Variants in ADGRV1 observed in about 807,000 individuals in gnomAD.
ADGRV1 encodes G-protein coupled receptor 98.
Under a neutral mutation model 596.2 loss-of-function variants are expected in ADGRV1, and 359 were observed. That is an observed-to-expected ratio of 0.60 (90% confidence interval 0.55 to 0.66). The LOEUF is 0.66. ADGRV1 is among the 30% of genes least tolerant of loss of function. The pLI, the probability that ADGRV1 is intolerant of heterozygous loss-of-function variation, is 0.00. For missense variants in ADGRV1, 7,274 were observed against 7,575.6 expected, an observed-to-expected ratio of 0.96 and a Z score of 1.48; for synonymous variants, 2,681 against 2,679.2, an observed-to-expected ratio of 1.00 and a Z score of -0.02.
intron 81 of ADGRV1, among the ~76,000 whole-genome samples, chr5:90,855,124 A>G (rs985119279): frequency 6.6e-6 from 1 of 152,188 alleles, no homozygotes; most frequent in South Asian, 2.1e-4. Flanking sequence ...AGTGATAGTC[A>G]CTGAGGAAGG....
intron 20 of ADGRV1, among the ~76,000 whole-genome samples, chr5:90,656,138 A>G (rs1302074934): frequency 6.6e-6 from 1 of 152,230 alleles, no homozygotes; most frequent in Non-Finnish European, 1.5e-5. Context: ...TAACACTACA[A>G]GTAGAGAAAT....
chr5:90,856,983 G>A (rs1172681823), intron 82 of ADGRV1, among the ~76,000 whole-genome samples: 2 of 152,034 alleles, frequency 1.3e-5, no homozygotes, highest in African/African-American at 4.8e-5. Context: ...TCTGGAGATA[G>A]AATCAAGTAA....
chr5:90,627,099 G>A (rs565248021), intron 6 of ADGRV1, 112 bp from the exon 7 acceptor site: 4 of 576,416 alleles, frequency 6.9e-6, no homozygotes, highest in African/African-American at 3.8e-5. Context: ...CTCAGTTAAA[G>A]AATTTTTATT....
chr5:90,958,283 C>CAAA (rs34676985), intron 83 of ADGRV1, among the ~76,000 whole-genome samples: 55 of 72,672 alleles, frequency 7.6e-4, no homozygotes, highest in South Asian at 1.5e-3. Context: ...GACCTTGTCT[C>CAAA]AAAAAAAAAA....
Position 90,851,526 on chromosome 5 carries a change from A to G in ADGRV1, c.17205-1758A>G, listed in dbSNP as rs538194803. ...AAGCATTTGGGGAGTGAGCAAGGAT[A>G]TTGAGGAGAATGACGGAATCTAGAA... On this transcript the variant is annotated intron_variant, in intron 79 of 89. Coordinates refer to ENST00000405460, the MANE Select transcript of ADGRV1 (RefSeq NM_032119.4). Among the ~76,000 whole-genome samples the G allele has an allele frequency of 1.7e-3, 266 of 152,304 alleles. 1 individual carries two copies. The highest frequency in any genetic ancestry group is 1.7e-3 in the Non-Finnish European group (118 of 68,028).
chr5:90,873,669 G>A (rs1246560638), intron 83 of ADGRV1, among the ~76,000 whole-genome samples: 3 of 152,080 alleles, frequency 2.0e-5, no homozygotes, highest in Admixed American at 6.5e-5. Context: ...GGTGGTGCAC[G>A]CTGTAGTCCC....
At chr5:90,778,806 G>T in intron 63 of ADGRV1, 59 bp from the exon 64 acceptor site, 1 of 1,373,336 alleles carries the variant, frequency 7.3e-7, no homozygotes, top group Non-Finnish European at 1.0e-6. Flanking sequence ...TTTAGTTACA[G>T]ACAGTATTGT....
intron 85 of ADGRV1, among the ~76,000 whole-genome samples, chr5:91,062,626 T>C (rs1787540870): frequency 6.6e-6 from 1 of 152,178 alleles, no homozygotes; most frequent in Non-Finnish European, 1.5e-5. Flanking sequence ...GTTTGGCCAG[T>C]CTGCAGATCT....
chr5:90,614,427 A>G (rs914350723), intron 1 of ADGRV1, among the ~76,000 whole-genome samples: 1 of 152,114 alleles, frequency 6.6e-6, no homozygotes, highest in African/African-American at 2.4e-5. Context: ...ATTTGGCTTC[A>G]ACTGTTTCAG....
intron 75 of ADGRV1, 138 bp from the exon 76 acceptor site, chr5:90,823,287 A>T (rs1763763440): frequency 2.4e-6 from 2 of 831,130 alleles, no homozygotes; most frequent in South Asian, 3.7e-5. Flanking sequence ...ATCAGTGGTA[A>T]AGTAAGTGCT....
intron 85 of ADGRV1, among the ~76,000 whole-genome samples, chr5:90,992,457 T>C (rs2151076704): frequency 6.6e-6 from 1 of 152,368 alleles, no homozygotes; most frequent in Non-Finnish European, 1.5e-5. Flanking sequence ...CTTCCCTTAG[T>C]TCCTGGATCC....
intron 83 of ADGRV1, among the ~76,000 whole-genome samples, chr5:90,866,499 T>A (rs765623698): frequency 2.4e-4 from 36 of 152,104 alleles, no homozygotes; most frequent in Non-Finnish European, 5.0e-4. Flanking sequence ...TTTATTTTTC[T>A]CCCTTAAATT....
chr5:90,741,638 A>AAT (rs1433545323), intron 50 of ADGRV1, among the ~76,000 whole-genome samples: 1 of 152,188 alleles, frequency 6.6e-6, no homozygotes, highest in Non-Finnish European at 1.5e-5. Flanking sequence ...AGATTTAAAA[A>AAT]ATATATAATA....
chr5:91,088,282 C>T (rs1790061220), intron 86 of ADGRV1, among the ~76,000 whole-genome samples: 1 of 152,162 alleles, frequency 6.6e-6, no homozygotes, highest in Non-Finnish European at 1.5e-5. Context: ...TGATTTCCTT[C>T]TCCCCATCTT....
At chr5:90,786,311 G>A (rs1341823705) in intron 67 of ADGRV1, among the ~76,000 whole-genome samples, 1 of 152,122 alleles carries the variant, frequency 6.6e-6, no homozygotes, top group Non-Finnish European at 1.5e-5. Flanking sequence ...ATGACGAGTT[G>A]ATGGGTGCAG....
At chr5:91,125,992 C>CT (rs1001019960) in intron 87 of ADGRV1, among the ~76,000 whole-genome samples, 59 of 152,320 alleles carry the variant, frequency 3.9e-4, no homozygotes, top group African/African-American at 1.4e-3. Context: ...TTCCTTGAAG[C>CT]TTTCCATGCC....
chr5:91,081,501 G>A (rs979976694), intron 86 of ADGRV1, among the ~76,000 whole-genome samples: 2 of 152,012 alleles, frequency 1.3e-5, no homozygotes, highest in Non-Finnish European at 2.9e-5. Flanking sequence ...AAAAAATCAG[G>A]AGCTGGGCAT....
At chr5:90,924,328 T>G (rs889099984) in intron 83 of ADGRV1, among the ~76,000 whole-genome samples, 4 of 151,786 alleles carry the variant, frequency 2.6e-5, no homozygotes, top group Non-Finnish European at 5.9e-5. Context: ...CCATTCTAAC[T>G]GGTGTGAGAT....
chr5:91,149,822 A>T (rs1227058505), intron 87 of ADGRV1, among the ~76,000 whole-genome samples: 1 of 87,080 alleles, frequency 1.1e-5, no homozygotes, highest in Non-Finnish European at 2.3e-5. Context: ...ACAGAATAAA[A>T]CTCCAGCTCA....
Sources: allele counts gnomAD v4.1 joint callset (sites outside exome capture counted in the v4.1 genomes callset), GRCh38; gene constraint gnomAD v4.1.1; transcripts MANE v1.5; gene names NCBI Gene and HGNC (gene_info 2026-07-23, HGNC 2026-07-21).